Variants in ABCA9 observed in about 807,000 individuals in gnomAD.
ABCA9 encodes the protein ATP binding cassette subfamily A member 9.
A neutral mutation model predicts 205.3 loss-of-function variants in ABCA9; 183 were observed. That is an observed-to-expected ratio of 0.89 (90% confidence interval 0.79 to 1.01). The LOEUF (loss-of-function observed/expected upper bound fraction) is 1.01, where lower values mean the gene tolerates loss of function less well. Among genes scored for constraint, ABCA9 ranks in the 50% least tolerant of loss-of-function variants. The pLI is 0.00. For missense variants in ABCA9, 1,805 were observed against 1,912.4 expected (o/e 0.94, Z 1.05); for synonymous variants, 651 against 683.3 (o/e 0.95, Z 0.74).
At chr17:69,030,147 A>T (rs2071111730) in intron 10 of ABCA9, among the ~76,000 whole-genome samples, 1 of 152,260 alleles carries the variant, frequency 6.6e-6, no homozygotes, top group Non-Finnish European at 1.5e-5. Flanking sequence ...ACAACAAACC[A>T]GCAGGTAGGT....
intron 1 of ABCA9, among the ~76,000 whole-genome samples, chr17:69,054,138 C>CA (rs1387029208): frequency 6.6e-6 from 1 of 151,916 alleles, no homozygotes; most frequent in Non-Finnish European, 1.5e-5. Context: ...CTCAGACAAA[C>CA]AAAAAATGAG....
chr17:68,990,009 C>A (rs1042803253), intron 29 of ABCA9, 79 bp from the exon 30 acceptor site: 25 of 1,006,768 alleles, frequency 2.5e-5, no homozygotes, highest in Admixed American at 4.7e-5. Context: ...TGTCACCAAA[C>A]CTTTCCTTAT....
the ABCA9 span, among the ~76,000 whole-genome samples, chr17:69,066,621 C>A: frequency 6.7e-6 from 1 of 148,944 alleles, no homozygotes; most frequent in Non-Finnish European, 1.5e-5. Context: ...TTTTTTTTTT[C>A]TCTGTCACAA....
upstream of ABCA9, among the ~76,000 whole-genome samples, chr17:69,063,193 T>C (rs1474823269): frequency 2.0e-5 from 3 of 152,192 alleles, no homozygotes; most frequent in Admixed American, 6.5e-5. Flanking sequence ...GTTTATTCCA[T>C]TATTCTTACT....
chr17:68,984,019 A>G, intron 35 of ABCA9, 37 bp downstream of exon 35: 1 of 1,613,502 alleles, frequency 6.2e-7, no homozygotes, highest in East Asian at 2.2e-5. Context: ...ACAGCACACA[A>G]CCTAGGGGCT....
chr17:69,014,484 A>G (rs1192337611), intron 22 of ABCA9, among the ~76,000 whole-genome samples: 3 of 152,182 alleles, frequency 2.0e-5, no homozygotes, highest in Non-Finnish European at 4.4e-5. Context: ...CGTTTCAGAT[A>G]AGGGATGCTC....
chr17:69,000,547 A>T (rs1017643018), intron 25 of ABCA9, among the ~76,000 whole-genome samples: 1 of 147,192 alleles, frequency 6.8e-6, no homozygotes. Flanking sequence ...GTATAGTTTG[A>T]AGTCAGGTAG....
In ABCA9 at chr17:69,020,375, C is replaced by T; in HGVS notation, c.2600+13G>A. The T allele has an allele frequency of 6.3e-7, 1 of 1,597,030 alleles. No individual in the cohort carries two copies. The highest frequency in any genetic ancestry group is 8.5e-7 in the Non-Finnish European group (1 of 1,174,230). On this transcript the variant is annotated intron_variant, in intron 19 of 38. Transcript: ENST00000340001. ...TCACAGACAAAACAAATCTGAAACA[C>T]TCAGATACTCACATAGTCCACAGGC...
intron 25 of ABCA9, among the ~76,000 whole-genome samples, chr17:69,001,138 C>A (rs1254869733): frequency 6.6e-6 from 1 of 151,318 alleles, no homozygotes; most frequent in Non-Finnish European, 1.5e-5. Context: ...TTGCCCTGGC[C>A]AGAACGTCTA....
At chr17:69,020,694 C>G (rs1470553762) in intron 18 of ABCA9, 108 bp from the exon 19 acceptor site, 11 of 851,528 alleles carry the variant, frequency 1.3e-5, no homozygotes, top group Non-Finnish European at 1.8e-5. Flanking sequence ...CCTCTTGGGC[C>G]AAGATACAAG....
chr17:69,069,105 A>G, the ABCA9 span, among the ~76,000 whole-genome samples: 1 of 152,238 alleles, frequency 6.6e-6, no homozygotes, highest in African/African-American at 2.4e-5. Context: ...GGAAGTCATT[A>G]TTCGCTTTCT....
At chr17:69,075,510 C>T in the ABCA9 span, among the ~76,000 whole-genome samples, 4 of 152,032 alleles carry the variant, frequency 2.6e-5, no homozygotes, top group Admixed American at 6.6e-5. Context: ...AGTCCTTTCC[C>T]GATTGCTTAT....
At chr17:68,978,934 C>A (rs148317176) in intron 37 of ABCA9, among the ~76,000 whole-genome samples, 73,690 of 151,398 alleles carry the variant, frequency 0.49, 21,331 homozygotes, top group Non-Finnish European at 0.65. Context: ...AAGTTCTGGC[C>A]AGGGCAATCA....
the ABCA9 span, among the ~76,000 whole-genome samples, chr17:69,073,927 C>G: frequency 1.3e-5 from 2 of 152,042 alleles, no homozygotes; most frequent in African/African-American, 4.8e-5. Flanking sequence ...GTCTTGAACT[C>G]GTGGTCCCAA....
chr17:69,064,007 C>A (rs1451210424), upstream of ABCA9, among the ~76,000 whole-genome samples: 1 of 152,184 alleles, frequency 6.6e-6, no homozygotes, highest in African/African-American at 2.4e-5. Flanking sequence ...TATATTTTGA[C>A]AAACTTTTAT....
At chr17:69,038,668 G>A (rs936653661) in intron 6 of ABCA9, among the ~76,000 whole-genome samples, 2 of 152,178 alleles carry the variant, frequency 1.3e-5, no homozygotes, top group Admixed American at 6.5e-5. Flanking sequence ...AGACAAGGAC[G>A]CCCTCTCTCA....
Position 69,018,393 on chromosome 17 carries a change from C to A in ABCA9, c.2767+20G>T. The A allele has an allele frequency of 6.6e-7, 1 of 1,505,458 alleles. No homozygotes were observed. The highest frequency in any genetic ancestry group is 1.4e-5 in the South Asian group (1 of 71,138). The allele number at this position is 1,505,458 out of a possible 1,614,324, so 93.3% of individuals were successfully genotyped here. A position where few individuals can be genotyped will look rare whatever the true frequency, so the allele number is the denominator to read the frequency against. Reference sequence around the variant, plus strand: ...CAACAAGAACAACATTTAACAGCTGCATTTCAGCCCCATGTTCACCTGTCT... The same window carrying A: ...CAACAAGAACAACATTTAACAGCTGAATTTCAGCCCCATGTTCACCTGTCT... On this transcript the variant is annotated intron_variant, in intron 20 of 38. Transcript: ENST00000340001.
At chr17:69,056,301 A>T (rs1349798230) in intron 1 of ABCA9, among the ~76,000 whole-genome samples, 1 of 152,200 alleles carries the variant, frequency 6.6e-6, no homozygotes, top group East Asian at 1.9e-4. Context: ...GAGAGAACAC[A>T]AGTTGCTAAT....
intron 1 of ABCA9, among the ~76,000 whole-genome samples, chr17:69,052,483 T>C (rs1321800672): frequency 6.6e-6 from 1 of 152,110 alleles, no homozygotes; most frequent in Non-Finnish European, 1.5e-5. Context: ...AATGTTGCAA[T>C]TATTAGACTA....
Sources: allele counts gnomAD v4.1 joint callset (sites outside exome capture counted in the v4.1 genomes callset), GRCh38; gene constraint gnomAD v4.1.1; transcripts MANE v1.5; gene names NCBI Gene and HGNC (gene_info 2026-07-23, HGNC 2026-07-21).